CADM1: variants seen among roughly 807,000 people sequenced by gnomAD.
CADM1 encodes the protein cell adhesion molecule 1, also known as TSLC-1.
In CADM1, 15 loss-of-function variants were observed where a neutral mutation model predicts 53.1. The ratio of observed to expected loss-of-function variants is 0.28; its 90% CI spans 0.19 to 0.44. CADM1 has a LOEUF of 0.44. CADM1 is among the 20% of genes least tolerant of loss of function. The probability of loss-of-function intolerance (pLI) is 1.00; values close to 1 mark genes in which losing one functional copy is unlikely to be tolerated. For synonymous variants in CADM1, 281 were observed against 243.0 expected, an observed-to-expected ratio of 1.16 and a Z score of -1.45; for missense variants, 434 against 611.3, an observed-to-expected ratio of 0.71 and a Z score of 3.06.
chr11:115,241,277 G>A (rs1462603763), intron 1 of CADM1, among the ~76,000 whole-genome samples: 1 of 152,238 alleles, frequency 6.6e-6, no homozygotes, highest in Non-Finnish European at 1.5e-5. Flanking sequence ...GGAGAAGTGA[G>A]TTCAACTCAG....
At chr11:115,215,000 A>C (rs1462565548) in intron 6 of CADM1, among the ~76,000 whole-genome samples, 1 of 152,218 alleles carries the variant, frequency 6.6e-6, no homozygotes, top group Non-Finnish European at 1.5e-5. Context: ...CACAAGCAGG[A>C]GTCTCATTAT....
intron 8 of CADM1, among the ~76,000 whole-genome samples, chr11:115,205,442 T>TC (rs1034386002): frequency 6.6e-6 from 1 of 151,872 alleles, no homozygotes; most frequent in African/African-American, 2.4e-5. Context: ...GAACAAACAC[T>TC]CCCTACTCAC....
chr11:115,493,401 A>C (rs1361144041), intron 1 of CADM1, among the ~76,000 whole-genome samples: 1 of 152,132 alleles, frequency 6.6e-6, no homozygotes, highest in African/African-American at 2.4e-5. Context: ...CACGGACATA[A>C]TATTTGATTC....
intron 1 of CADM1, among the ~76,000 whole-genome samples, chr11:115,492,510 A>AAC (rs1949518734): frequency 1.3e-5 from 2 of 152,188 alleles, no homozygotes; most frequent in Non-Finnish European, 2.9e-5. Flanking sequence ...ATTGATACAT[A>AAC]ACACACACAC....
chr11:115,232,851 T>C (rs969669406), intron 3 of CADM1, among the ~76,000 whole-genome samples: 1 of 152,176 alleles, frequency 6.6e-6, no homozygotes, highest in East Asian at 1.9e-4. Context: ...CCGAGACTTA[T>C]GATTAATAAG....
chr11:115,448,366 G>A (rs555897359), intron 1 of CADM1, among the ~76,000 whole-genome samples: 1 of 152,110 alleles, frequency 6.6e-6, no homozygotes, highest in East Asian at 1.9e-4. Flanking sequence ...AAAAATGAGG[G>A]CTGCCTCAGA....
chr11:115,190,659 T>A (rs1939803036), intron 10 of CADM1: 1 of 532,128 alleles, frequency 1.9e-6, no homozygotes, highest in Non-Finnish European at 3.4e-6. Context: ...TAACTTGTCC[T>A]CTCCTGCGTT....
chr11:115,450,056 G>A (rs1370897432), intron 1 of CADM1, among the ~76,000 whole-genome samples: 1 of 151,698 alleles, frequency 6.6e-6, no homozygotes, highest in African/African-American at 2.4e-5. Context: ...ACGCTGAATG[G>A]AAAAAAAGCT....
intron 1 of CADM1, among the ~76,000 whole-genome samples, chr11:115,257,743 C>T (rs1432225425): frequency 6.6e-6 from 1 of 152,204 alleles, no homozygotes; most frequent in Non-Finnish European, 1.5e-5. Flanking sequence ...TTAAATGCTG[C>T]TGCTTTGAAC....
At chr11:115,433,724 T>C (rs542754623) in intron 1 of CADM1, among the ~76,000 whole-genome samples, 1 of 152,276 alleles carries the variant, frequency 6.6e-6, no homozygotes, top group South Asian at 2.1e-4. Context: ...TGCCATTATG[T>C]TGGGATTTCT....
chr11:115,347,517 T>A (rs997219561), intron 1 of CADM1, among the ~76,000 whole-genome samples: 2 of 152,208 alleles, frequency 1.3e-5, no homozygotes, highest in Non-Finnish European at 2.9e-5. Flanking sequence ...ATAGAACATT[T>A]ATTTTATGTC....
At position 115,290,787 on chromosome 11, in the gene CADM1, AG is replaced by A. The variant is rs139173652; in HGVS notation, c.125-50368del. ...AAATTTGAGCTTGTTGGCTATGGAA[AG>A]TAAGCTATTTCAACTTGTTTAAATC... On this transcript the variant is annotated intron_variant, in intron 1 of 11. Transcript: ENST00000331581. Among the ~76,000 whole-genome samples the A allele has an allele frequency of 5.6e-3, 858 of 152,354 alleles. 7 individuals are homozygous for A. The highest frequency in any genetic ancestry group is 0.018 in the African/African-American group (744 of 41,568).
In CADM1 at chr11:115,171,823, TGAAGA is replaced by T. The variant is rs1377788626; in HGVS notation, c.*4646_*4650del. The T allele has an allele frequency of 1.3e-5, 2 of 152,172 alleles. No homozygotes were observed. The highest frequency in any genetic ancestry group is 3.9e-4 in the East Asian group (2 of 5,192). The allele number at this position is 152,172 out of a possible 1,614,324, so 9.4% of individuals were successfully genotyped here. Reference sequence around the variant, plus strand: ...TTGGAATAAGTCTGCTAATGAATGGTGAAGAGAAAAGGGTCATTAAACCTTCTAAG... The same window carrying T: ...TTGGAATAAGTCTGCTAATGAATGGTGAAAAGGGTCATTAAACCTTCTAAG... On this transcript the variant is annotated 3_prime_UTR_variant, in exon 12 of 12. Coordinates refer to ENST00000331581, the MANE Select transcript of CADM1 (RefSeq NM_001301043.2).
intron 10 of CADM1, among the ~76,000 whole-genome samples, chr11:115,189,739 G>A (rs1939754088): frequency 6.6e-6 from 1 of 152,138 alleles, no homozygotes; most frequent in African/African-American, 2.4e-5. Context: ...CATCCAATAA[G>A]TGTCAACTGG....
At chr11:115,254,264 G>T (rs1395005252) in intron 1 of CADM1, among the ~76,000 whole-genome samples, 1 of 152,112 alleles carries the variant, frequency 6.6e-6, no homozygotes, top group Non-Finnish European at 1.5e-5. Context: ...GACTTCATGG[G>T]TGCTAGGCGC....
At chr11:115,395,982 A>C (rs1389506852) in intron 1 of CADM1, among the ~76,000 whole-genome samples, 2 of 152,224 alleles carry the variant, frequency 1.3e-5, no homozygotes, top group African/African-American at 4.8e-5. Context: ...TTCATCATGC[A>C]CACAGGATCA....
intron 1 of CADM1, among the ~76,000 whole-genome samples, chr11:115,286,812 G>C (rs1849022341): frequency 1.3e-5 from 2 of 152,184 alleles, no homozygotes; most frequent in Admixed American, 6.5e-5. Flanking sequence ...GAAGAAGCAG[G>C]GGTGTTGGGG....
At chr11:115,184,317 G>C (rs1202055395) in intron 10 of CADM1, among the ~76,000 whole-genome samples, 1 of 152,132 alleles carries the variant, frequency 6.6e-6, no homozygotes, top group Admixed American at 6.6e-5. Context: ...ATTTTAAAAA[G>C]CACAACTTTA....
At position 115,311,165 on chromosome 11, in the gene CADM1, C is replaced by T. The variant is rs140311186; in HGVS notation, c.125-70745G>A. ...CATGGTAATGAAAGACACTATTTGA[C>T]GATTTCTGTCGAAATGAACTATTTA... On this transcript the variant is annotated intron_variant, in intron 1 of 11. Coordinates refer to ENST00000331581, the MANE Select transcript of CADM1 (RefSeq NM_001301043.2). Among the ~76,000 whole-genome samples the T allele has an allele frequency of 3.4e-3, 511 of 152,202 alleles. 2 individuals carry two copies. The highest frequency in any genetic ancestry group is 5.3e-3 in the Non-Finnish European group (362 of 68,004).
Sources: allele counts gnomAD v4.1 joint callset (sites outside exome capture counted in the v4.1 genomes callset), GRCh38; gene constraint gnomAD v4.1.1; transcripts MANE v1.5; gene names NCBI Gene and HGNC (gene_info 2026-07-23, HGNC 2026-07-21).